The following COL11A1 variants were observed in gnomAD, a reference collection of about 807,000 sequenced individuals.
COL11A1 encodes the protein collagen type XI alpha 1 chain.
In COL11A1, 74 loss-of-function variants were observed where a neutral mutation model predicts 265.2. The observed-to-expected ratio is 0.28, with a 90% CI of 0.23 to 0.34. The LOEUF (loss-of-function observed/expected upper bound fraction) is 0.34, where lower values mean the gene tolerates loss of function less well. COL11A1 is among the 10% of genes least tolerant of loss of function. The pLI is 1.00. For synonymous variants in COL11A1, 816 were observed against 727.6 expected (o/e 1.12, Z -1.96); for missense variants, 2,165 against 2,263.6 (o/e 0.96, Z 0.88).
chr1:103,051,448 T>C (rs1248166779), intron 4 of COL11A1, among the ~76,000 whole-genome samples: 1 of 152,190 alleles, frequency 6.6e-6, no homozygotes, highest in Non-Finnish European at 1.5e-5. Flanking sequence ...TTAAGCCCAT[T>C]GGGAAAGCAC....
At chr1:102,946,997 T>C (rs767458457) in intron 41 of COL11A1, 41 bp from the exon 42 acceptor site, 6 of 1,457,174 alleles carry the variant, frequency 4.1e-6, no homozygotes, top group South Asian at 1.2e-5. Flanking sequence ...TTAAAGAAAG[T>C]AATACTGGCT....
chr1:102,887,690 T>A (rs1299018474), intron 62 of COL11A1, among the ~76,000 whole-genome samples: 1 of 152,190 alleles, frequency 6.6e-6, no homozygotes, highest in Non-Finnish European at 1.5e-5. Context: ...TAATTCTCAG[T>A]ATCTCAGAAT....
At chr1:102,988,876 C>A (rs1663839865) in intron 29 of COL11A1, among the ~76,000 whole-genome samples, 2 of 151,984 alleles carry the variant, frequency 1.3e-5, no homozygotes. Context: ...GTTATTGCCC[C>A]CAATCCTGCA....
In COL11A1 at chr1:102,904,606, C is replaced by CA. The variant is rs566624537; in HGVS notation, c.4087-5613dup. On this transcript the variant is annotated intron_variant, in intron 54 of 66. Coordinates refer to ENST00000370096, the MANE Select transcript of COL11A1 (RefSeq NM_001854.4). The stretch of plus-strand genomic sequence containing the variant: ...TCTCAAAAGAAGATATTTATGCAGC[C>CA]AAAAAACACATGAAAAAATGCTCAT... 5.2e-3 allele frequency among the ~76,000 whole-genome samples: 795 copies of CA among 151,560 alleles called. 3 individuals carry two copies. Among genetic ancestry groups the CA allele is most frequent in the Non-Finnish European group, 8.1e-3 (550 of 67,828 alleles).
At position 102,876,602 on chromosome 1, in the gene COL11A1, T is replaced by C. The variant is rs1281815418; in HGVS notation, c.*1417A>G. On this transcript the variant is annotated 3_prime_UTR_variant, in exon 67 of 67. Transcript: ENST00000370096. ...CTTTTTAATTTCAATATTACAGGTA[T>C]GTTCTTTTGTCATAAATTATCAGTT... 1 of 152,534 alleles carries C rather than the reference T, an allele frequency of 6.6e-6. No individual in the cohort carries two copies. Among genetic ancestry groups the C allele is most frequent in the African/African-American group, 2.4e-5 (1 of 41,470 alleles). The allele number at this position is 152,534 out of a possible 1,614,324, so 9.4% of individuals were successfully genotyped here.
intron 42 of COL11A1, among the ~76,000 whole-genome samples, chr1:102,941,915 G>A (rs1359215043): frequency 6.6e-6 from 1 of 152,170 alleles, no homozygotes; most frequent in African/African-American, 2.4e-5. Context: ...CTGTGGACCA[G>A]AGTAGTCACT....
At chr1:102,947,480 G>C (rs1182988931) in intron 41 of COL11A1, among the ~76,000 whole-genome samples, 4 of 151,984 alleles carry the variant, frequency 2.6e-5, no homozygotes, top group Non-Finnish European at 5.9e-5. Context: ...AATAACATTT[G>C]ATAATCACTA....
chr1:103,101,520 G>A (rs776261552), intron 1 of COL11A1, among the ~76,000 whole-genome samples: 17 of 151,900 alleles, frequency 1.1e-4, no homozygotes, highest in Non-Finnish European at 1.8e-4. Context: ...GGGAGTCTAT[G>A]TGAAAATCTG....
chr1:102,958,502 A>G (rs986275503), intron 41 of COL11A1, among the ~76,000 whole-genome samples: 12 of 152,258 alleles, frequency 7.9e-5, no homozygotes, highest in African/African-American at 2.9e-4. Context: ...TGATGTAATC[A>G]CTTTAAATGG....
At position 102,907,303 on chromosome 1, in the gene COL11A1, T is replaced by G. The variant is rs565662968; in HGVS notation, c.4086+4856A>C. 3.3e-5 allele frequency among the ~76,000 whole-genome samples: 5 copies of G among 152,054 alleles called. No homozygotes were observed. In the South Asian group the frequency reaches 1.0e-3, roughly 31 times the overall value. On this transcript the variant is annotated intron_variant, in intron 54 of 66. Coordinates refer to ENST00000370096, the MANE Select transcript of COL11A1 (RefSeq NM_001854.4). ...AGAGAGGATAGAACAGTGCTAAAAT[T>G]TTTATGAGGTTATTTTAAAATAATT... is the stretch of plus-strand genomic sequence containing the variant.
chr1:102,909,781 G>A (rs1230518984), intron 54 of COL11A1, among the ~76,000 whole-genome samples: 1 of 151,942 alleles, frequency 6.6e-6, no homozygotes, highest in Admixed American at 6.6e-5. Context: ...AATTTTCTAC[G>A]ATATTTTCTC....
chr1:102,910,809 G>A (rs959012891), intron 54 of COL11A1, among the ~76,000 whole-genome samples: 1 of 152,072 alleles, frequency 6.6e-6, no homozygotes, highest in African/African-American at 2.4e-5. Flanking sequence ...TGGGTTGAAA[G>A]CCAGCTATTG....
chr1:103,027,467 T>C (rs950502359), intron 5 of COL11A1, among the ~76,000 whole-genome samples: 1 of 143,364 alleles, frequency 7.0e-6, no homozygotes, highest in African/African-American at 2.6e-5. Flanking sequence ...GGGCAATTTA[T>C]ATATAATTGC....
chr1:103,098,897 T>C (rs1419197473), intron 1 of COL11A1, among the ~76,000 whole-genome samples: 1 of 151,898 alleles, frequency 6.6e-6, no homozygotes, highest in Middle Eastern at 3.4e-3. Flanking sequence ...AGAACCAAAA[T>C]AGAGACTGAT....
chr1:103,002,816 G>A (rs1570998812), intron 21 of COL11A1, 25 bp from the exon 22 acceptor site: 2 of 1,608,822 alleles, frequency 1.2e-6, no homozygotes, highest in Non-Finnish European at 1.7e-6. Flanking sequence ...AAGTATTTAT[G>A]GTTGTTTATA....
intron 23 of COL11A1, among the ~76,000 whole-genome samples, 196 bp from the exon 24 acceptor site, chr1:103,002,165 C>T (rs773729511): frequency 5.3e-5 from 8 of 152,020 alleles, no homozygotes; most frequent in Non-Finnish European, 7.4e-5. Flanking sequence ...GACTATAATG[C>T]GATCCTATTC....
chr1:103,102,986 A>G (rs1296195917), intron 1 of COL11A1, among the ~76,000 whole-genome samples: 1 of 152,020 alleles, frequency 6.6e-6, no homozygotes, highest in Non-Finnish European at 1.5e-5. Context: ...GTTGTTGACA[A>G]CACAACAGAT....
rs77584593 is a variant in COL11A1, at chr1:102,910,529, C to T, written c.4086+1630G>A. Among the ~76,000 whole-genome samples the T allele has an allele frequency of 8.8e-3, 1,338 of 152,144 alleles. 19 individuals carry two copies. Among genetic ancestry groups the T allele is most frequent in the African/African-American group, 0.031 (1,274 of 41,528 alleles). On this transcript the variant is annotated intron_variant, in intron 54 of 66. Transcript: ENST00000370096. ...ATAGTCTCTCCTTTTCTAGCTGCTA[C>T]CACATTTTGAAGCAAGGTTTAATTT...
At chr1:102,936,462 A>T (rs879932909) in intron 44 of COL11A1, among the ~76,000 whole-genome samples, 5 of 152,174 alleles carry the variant, frequency 3.3e-5, no homozygotes, top group Non-Finnish European at 7.4e-5. Context: ...GGCAGATGTT[A>T]TTCAATATAA....
Sources: allele counts gnomAD v4.1 joint callset (sites outside exome capture counted in the v4.1 genomes callset), GRCh38; gene constraint gnomAD v4.1.1; transcripts MANE v1.5; gene names NCBI Gene and HGNC (gene_info 2026-07-23, HGNC 2026-07-21).